ADGRG1: variants seen among roughly 807,000 people sequenced by gnomAD.
ADGRG1 encodes the protein adhesion G protein-coupled receptor G1, also known as 7-transmembrane protein with no EGF-like N-terminal domains-1.
ADGRG1 carries 53 observed loss-of-function variants against 73.5 expected under a neutral mutation model. That is an observed-to-expected ratio of 0.72 (90% CI 0.58 to 0.91). The LOEUF (loss-of-function observed/expected upper bound fraction) is 0.91. Ranked by LOEUF, ADGRG1 falls within the 40% of genes least tolerant of loss-of-function variation. ADGRG1 has a pLI of 0.00. For synonymous variants in ADGRG1, 394 were observed against 374.4 expected, an observed-to-expected ratio of 1.05 and a Z score of -0.60; for missense variants, 795 against 871.8, an observed-to-expected ratio of 0.91 and a Z score of 1.11.
chr16:57,655,818 C>A, intron 6 of ADGRG1, 58 bp from the exon 7 acceptor site: 1 of 1,613,810 alleles, frequency 6.2e-7, no homozygotes, highest in Middle Eastern at 1.6e-4. Context: ...GCTTCTGGGC[C>A]CTTCTTCTCA....
rs1567834833 is a variant in ADGRG1, at chr16:57,663,625, C to A, written c.*43C>A. The A allele has an allele frequency of 6.3e-7, 1 of 1,599,746 alleles. No individual in the cohort carries two copies. The highest frequency in any genetic ancestry group is 2.2e-5 in the East Asian group (1 of 44,818). On this transcript the variant is annotated 3_prime_UTR_variant, in exon 14 of 14. Transcript: ENST00000562631. ...CCATGTGATGAAGCAGAGATTCGGC[C>A]TCGTCGCACACTGCCTGTGGCCCCC... is the stretch of plus-strand genomic sequence containing the variant.
chr16:57,626,632 G>A (rs976890113), upstream of ADGRG1: 6 of 985,302 alleles, frequency 6.1e-6, no homozygotes, highest in Admixed American at 1.2e-4. Flanking sequence ...AGCTGGCTCC[G>A]CACTCTCTTC....
chr16:57,630,947 C>T, intron 1 of ADGRG1: 3 of 985,030 alleles, frequency 3.0e-6, no homozygotes, highest in Non-Finnish European at 2.4e-6. Flanking sequence ...ATGAGCCAGG[C>T]CAGCAGGTCT....
In ADGRG1 at chr16:57,658,690, A is replaced by G. The variant is rs1245726304; in HGVS notation, c.1287-723A>G. On this transcript the variant is annotated intron_variant, in intron 10 of 13. Coordinates refer to ENST00000562631, the MANE Select transcript of ADGRG1 (RefSeq NM_201525.4). ...ACCCAGTTGCTCACAAACATGCCCA[A>G]GGACACAGCACAGGAACCCTTAGGA... is the stretch of plus-strand genomic sequence containing the variant. Among the ~76,000 whole-genome samples, 47 of 152,214 alleles carry G rather than the reference A, an allele frequency of 3.1e-4. 2 individuals are homozygous for G. Among genetic ancestry groups the G allele is most frequent in the African/African-American group, 9.6e-5 (4 of 41,452 alleles).
At chr16:57,642,897 G>A (rs571302945) in intron 1 of ADGRG1, 1 of 152,396 alleles carries the variant, frequency 6.6e-6, no homozygotes, top group South Asian at 2.1e-4. Context: ...GCTTCACCAA[G>A]TTGCTGCGAG....
chr16:57,624,127 CA>C (rs1354752213), upstream of ADGRG1: 5 of 817,130 alleles, frequency 6.1e-6, no homozygotes, highest in South Asian at 1.1e-4. Flanking sequence ...GTGTGCCTTG[CA>C]TTGTGCTCAA....
At chr16:57,631,849 C>T (rs1244364526) in intron 1 of ADGRG1, 2 of 982,598 alleles carry the variant, frequency 2.0e-6, no homozygotes, top group African/African-American at 1.7e-5. Flanking sequence ...CTTGAGGCCC[C>T]CAGGGGAGCC....
At chr16:57,652,913 T>G in intron 3 of ADGRG1, 1 of 1,279,670 alleles carries the variant, frequency 7.8e-7, no homozygotes, top group Non-Finnish European at 1.0e-6. Flanking sequence ...CCCTCTCTGC[T>G]CCGTGTGTGT....
intron 1 of ADGRG1, 114 bp downstream of exon 1, chr16:57,628,916 G>C: frequency 4.9e-6 from 4 of 809,958 alleles, no homozygotes; most frequent in Non-Finnish European, 5.6e-6. Flanking sequence ...GAGTGTGTGA[G>C]AGTGAGTGTG....
intron 1 of ADGRG1, chr16:57,639,971 G>A (rs760179728): frequency 2.0e-6 from 1 of 493,420 alleles, no homozygotes; most frequent in Non-Finnish European, 2.6e-6. Context: ...GGAAATAGTT[G>A]GGGGTGAGAG....
At chr16:57,623,121 C>G, upstream of ADGRG1, 3 of 973,320 alleles carry the variant, frequency 3.1e-6, no homozygotes, top group Non-Finnish European at 3.7e-6. Flanking sequence ...CAGTCTTCTC[C>G]TCTCACAAAT....
intron 1 of ADGRG1, among the ~76,000 whole-genome samples, chr16:57,638,088 A>T (rs1434452249): frequency 6.6e-6 from 1 of 152,202 alleles, no homozygotes; most frequent in Non-Finnish European, 1.5e-5. Context: ...AAAAACTTAG[A>T]GATCAAAGGA....
chr16:57,634,803 T>C (rs1274371424), intron 1 of ADGRG1, among the ~76,000 whole-genome samples: 2 of 152,198 alleles, frequency 1.3e-5, no homozygotes, highest in African/African-American at 4.8e-5. Flanking sequence ...GGGCACCCAA[T>C]TCCCACATTC....
chr16:57,656,788 T>C (rs2045841961), intron 9 of ADGRG1, among the ~76,000 whole-genome samples, 171 bp downstream of exon 9: 1 of 152,216 alleles, frequency 6.6e-6, no homozygotes, highest in Non-Finnish European at 1.5e-5. Context: ...GGTTAAGCAA[T>C]TTACCCGTGG....
chr16:57,628,451 T>A, upstream of ADGRG1: 1 of 911,800 alleles, frequency 1.1e-6, no homozygotes, highest in Non-Finnish European at 1.3e-6. Flanking sequence ...GTCATGGGCA[T>A]CCCCCAGGAT....
chr16:57,640,846 G>A, intron 1 of ADGRG1: 1 of 981,000 alleles, frequency 1.0e-6, no homozygotes, highest in Non-Finnish European at 1.2e-6. Flanking sequence ...TCCAAAGATG[G>A]GAGTTTGCCA....
chr16:57,652,075 C>A, intron 3 of ADGRG1: 1 of 1,045,078 alleles, frequency 9.6e-7, no homozygotes, highest in Non-Finnish European at 1.2e-6. Flanking sequence ...CCCAAAGCTG[C>A]ACAGCTAGCC....
chr16:57,656,607 C>G lies in ADGRG1; in HGVS notation c.1157C>G (p.Ala386Gly). The change falls in exon 9 of 14, where the codon GCA becomes GGA. Residue 386 changes from alanine to glycine, a missense_variant. Coordinates refer to ENST00000562631, the MANE Select transcript of ADGRG1 (RefSeq NM_201525.4). Reference sequence around the variant, plus strand: ...TTCTGCAACCACTTGACCTACTTTGCAGTGCTGATGGTGAGGGTCCCTGCT... The same window carrying G: ...TTCTGCAACCACTTGACCTACTTTGGAGTGCTGATGGTGAGGGTCCCTGCT... ...SCFCNHLTYF[A>G]VLMVSSVEVD... 2 of 1,605,454 alleles carry G rather than the reference C, an allele frequency of 1.2e-6. No homozygotes were observed. Among genetic ancestry groups the G allele is most frequent in the Non-Finnish European group, 1.7e-6 (2 of 1,172,124 alleles).
At chr16:57,625,343 G>A (rs1228790182), upstream of ADGRG1, among the ~76,000 whole-genome samples, 4 of 152,132 alleles carry the variant, frequency 2.6e-5, no homozygotes, top group Non-Finnish European at 2.9e-5. Flanking sequence ...TCTGCCTTCC[G>A]GATCTGCACC....
Sources: allele counts gnomAD v4.1 joint callset (sites outside exome capture counted in the v4.1 genomes callset), GRCh38; gene constraint gnomAD v4.1.1; transcripts MANE v1.5; gene names NCBI Gene and HGNC (gene_info 2026-07-23, HGNC 2026-07-21).